PLEKHA6: variants seen among roughly 807,000 people sequenced by gnomAD.
PLEKHA6 encodes pleckstrin homology domain-containing family A member 6.
A neutral mutation model predicts 116.7 loss-of-function variants in PLEKHA6; 60 were observed. The ratio of observed to expected loss-of-function variants is 0.51; its 90% CI spans 0.42 to 0.64. The LOEUF (loss-of-function observed/expected upper bound fraction) is 0.64. PLEKHA6 is among the 30% of genes least tolerant of loss of function. PLEKHA6 has a pLI of 0.00. For synonymous variants in PLEKHA6, 489 were observed against 556.1 expected (o/e 0.88, Z 1.70); for missense variants, 1,338 against 1,422.7 (o/e 0.94, Z 0.96).
chr1:204,313,015 C>CTTTCT (rs71145077), intron 1 of PLEKHA6, among the ~76,000 whole-genome samples: 24,778 of 135,086 alleles, frequency 0.18, 2,639 homozygotes, highest in Non-Finnish European at 0.23. Context: ...AGCCCATTTT[C>CTTTCT]TTTCTTTTCT....
In PLEKHA6 at chr1:204,334,256, G is replaced by A. The variant is rs1033591434; in HGVS notation, c.-95+25438C>T. Among the ~76,000 whole-genome samples the A allele has an allele frequency of 3.8e-4, 58 of 152,184 alleles. 1 individual carries two copies. Among genetic ancestry groups the A allele is most frequent in the Admixed American group, 2.3e-3 (35 of 15,280 alleles). ...CACAGCGGGAGAGCCAAGGGTGGCA[G>A]GGAGAGGCAACAAGATGAGTGGGAC... On this transcript the variant is annotated intron_variant, in intron 1 of 22. Transcript: ENST00000272203.
chr1:204,334,720 GA>G (rs753200232), intron 1 of PLEKHA6, among the ~76,000 whole-genome samples: 2 of 152,002 alleles, frequency 1.3e-5, no homozygotes, highest in Non-Finnish European at 2.9e-5. Context: ...CCAACATGGT[GA>G]AACCGCATCT....
chr1:204,259,234 ACCCCAGC>A lies in PLEKHA6; in HGVS notation c.1007+17_1007+23del. Reference sequence around the variant, plus strand: ...CTAGCCATAATACCATATCAGCCCCACCCCAGCCGCCGGCATGCCTCACCTCCGAAGG... The same window carrying A: ...CTAGCCATAATACCATATCAGCCCCACGCCGGCATGCCTCACCTCCGAAGG... On this transcript the variant is annotated intron_variant, in intron 8 of 22. Coordinates refer to ENST00000272203, the MANE Select transcript of PLEKHA6 (RefSeq NM_014935.5). The surrounding 1 kb of genome is among the most constrained non-coding windows in gnomAD (Gnocchi z 4.6). 6.2e-7 allele frequency: 1 copy of A among 1,608,196 alleles called. No individual in the cohort carries two copies. The highest frequency in any genetic ancestry group is 8.5e-7 in the Non-Finnish European group (1 of 1,177,966).
At chr1:204,245,108 T>C in intron 14 of PLEKHA6, 105 bp from the exon 15 acceptor site, 6 of 776,508 alleles carry the variant, frequency 7.7e-6, no homozygotes, top group Non-Finnish European at 1.1e-5. Flanking sequence ...GATCCAGGGA[T>C]GTGGAAGGGC....
Position 204,245,774 on chromosome 1 carries a change from C to T in PLEKHA6, c.1921-48G>A. 2.2e-6 allele frequency: 3 copies of T among 1,361,090 alleles called. No homozygotes were observed. The South Asian group carries it at 3.5e-5, about 16-fold the overall frequency. 84.3% of individuals were successfully genotyped at this position (1,361,090 alleles called of 1,614,324 possible). On this transcript the variant is annotated intron_variant, in intron 13 of 22. Coordinates refer to ENST00000272203, the MANE Select transcript of PLEKHA6 (RefSeq NM_014935.5). The stretch of plus-strand genomic sequence containing the variant: ...CAAAGGAAATGGCCATGAGGAGTGT[C>T]CAGCCCTTTCTCTCAGCCCAGACCC...
chr1:204,373,086 C>CTTT (rs973883787), intron 1 of PLEKHA6, among the ~76,000 whole-genome samples: 39 of 113,388 alleles, frequency 3.4e-4, no homozygotes, highest in African/African-American at 6.2e-4. Context: ...TTTTTTCTTT[C>CTTT]TTTTTTTTTT....
At chr1:204,328,737 G>T (rs1672342075) in intron 1 of PLEKHA6, among the ~76,000 whole-genome samples, 1 of 152,300 alleles carries the variant, frequency 6.6e-6, no homozygotes, top group East Asian at 1.9e-4. Context: ...TGCAGTGTCT[G>T]CACAGTCTTG....
At chr1:204,298,444 T>C (rs923837392) in intron 1 of PLEKHA6, among the ~76,000 whole-genome samples, 1 of 152,208 alleles carries the variant, frequency 6.6e-6, no homozygotes, top group African/African-American at 2.4e-5. Flanking sequence ...GGTCGGGGAC[T>C]GAATGGCCTT....
At chr1:204,280,185 C>T (rs1246485155) in intron 1 of PLEKHA6, 3 of 419,822 alleles carry the variant, frequency 7.1e-6, no homozygotes, top group Non-Finnish European at 9.6e-6. Flanking sequence ...GTTCAAGAGA[C>T]ATCCTCAACC....
intron 1 of PLEKHA6, among the ~76,000 whole-genome samples, chr1:204,334,236 C>T (rs1255335016): frequency 2.0e-5 from 3 of 152,148 alleles, no homozygotes; most frequent in African/African-American, 4.8e-5. Flanking sequence ...TCCATCACAG[C>T]GGGAGAGCCA....
At chr1:204,230,355 A>G (rs1227444581) in intron 18 of PLEKHA6, 58 bp downstream of exon 18, 10 of 1,354,616 alleles carry the variant, frequency 7.4e-6, no homozygotes, top group Non-Finnish European at 1.0e-5. Context: ...ATGCCCTGGG[A>G]GTGGGCAGTG....
chr1:204,360,711 G>T (rs1047936539), upstream of PLEKHA6, among the ~76,000 whole-genome samples: 2 of 152,194 alleles, frequency 1.3e-5, no homozygotes, highest in African/African-American at 4.8e-5. Context: ...TATCAGGTGA[G>T]TGGGGCCTTG....
chr1:204,348,259 C>G (rs1400860842), intron 1 of PLEKHA6, among the ~76,000 whole-genome samples: 1 of 152,188 alleles, frequency 6.6e-6, no homozygotes, highest in Non-Finnish European at 1.5e-5. Flanking sequence ...GCTTCTTGAC[C>G]CTCTGCAACC....
intron 15 of PLEKHA6, among the ~76,000 whole-genome samples, chr1:204,244,107 C>T (rs1264174586): frequency 6.6e-6 from 1 of 152,072 alleles, no homozygotes; most frequent in Non-Finnish European, 1.5e-5. Context: ...AGGCGTGAGC[C>T]ACCACGCCCA....
chr1:204,342,651 C>G (rs992145828), intron 1 of PLEKHA6, among the ~76,000 whole-genome samples: 66 of 147,570 alleles, frequency 4.5e-4, no homozygotes, highest in African/African-American at 1.5e-3. Context: ...ACCATGAAGA[C>G]CAAGGATTTA....
At chr1:204,268,370 T>A in intron 3 of PLEKHA6, 58 bp from the exon 4 acceptor site, 3 of 1,263,152 alleles carry the variant, frequency 2.4e-6, no homozygotes, top group Non-Finnish European at 3.3e-6. Flanking sequence ...CTGCTTTATC[T>A]GCAAGGGAGC....
intron 1 of PLEKHA6, among the ~76,000 whole-genome samples, chr1:204,314,032 A>G (rs1195352848): frequency 1.3e-5 from 2 of 152,170 alleles, no homozygotes; most frequent in Non-Finnish European, 1.5e-5. Context: ...ATTGTGGGAC[A>G]CAGCAGCACT....
At chr1:204,267,922 G>A (rs1242615804) in intron 4 of PLEKHA6, among the ~76,000 whole-genome samples, 1 of 152,196 alleles carries the variant, frequency 6.6e-6, no homozygotes, top group Non-Finnish European at 1.5e-5. Flanking sequence ...CTGCTGGGGA[G>A]CTAGTGGGTT....
rs1366549471 is a variant in PLEKHA6 at position 204,277,299 on chromosome 1, G to C, written c.-94-2490C>G. 6.6e-6 allele frequency among the ~76,000 whole-genome samples: 1 copy of C among 152,106 alleles called. No homozygotes were observed. The highest frequency in any genetic ancestry group is 1.9e-4 in the East Asian group (1 of 5,194). On this transcript the variant is annotated intron_variant, in intron 1 of 22. Transcript: ENST00000272203. The surrounding 1 kb of genome is among the most constrained non-coding windows in gnomAD (Gnocchi z 4.1). ...CCTGGTATTCGGCCAGAATGCTACT[G>C]GTCAGAGGACTGGAGGCAGAATAAA... is the stretch of plus-strand genomic sequence containing the variant.
Sources: allele counts gnomAD v4.1 joint callset (sites outside exome capture counted in the v4.1 genomes callset), GRCh38; gene constraint gnomAD v4.1.1; non-coding constraint Gnocchi (gnomAD v3.1); transcripts MANE v1.5; gene names NCBI Gene and HGNC (gene_info 2026-07-23, HGNC 2026-07-21).